The following GPC6 variants were observed in gnomAD, a reference collection of about 807,000 sequenced individuals.
The protein encoded by GPC6 is glypican 6, also known as glypican-6.
In GPC6, 14 loss-of-function variants were observed where a neutral mutation model predicts 55.2. That is an observed-to-expected ratio of 0.25 (90% CI 0.17 to 0.40). The LOEUF is 0.40. Among genes scored for constraint, GPC6 ranks in the 10% least tolerant of loss-of-function variants. GPC6 has a pLI of 1.00. For synonymous variants in GPC6, 278 were observed against 259.6 expected (o/e 1.07, Z -0.68); for missense variants, 641 against 708.5 (o/e 0.90, Z 1.08).
chr13:94,240,388 A>G (rs1891018134), intron 4 of GPC6, among the ~76,000 whole-genome samples: 1 of 152,128 alleles, frequency 6.6e-6, no homozygotes, highest in East Asian at 1.9e-4. Flanking sequence ...TAATCAGATT[A>G]ATATTTTTAC....
chr13:93,440,604 T>G (rs1877752234), intron 1 of GPC6, among the ~76,000 whole-genome samples: 2 of 152,252 alleles, frequency 1.3e-5, no homozygotes, highest in Middle Eastern at 3.4e-3. Context: ...AATAACTAGG[T>G]GGAGATCAGG....
chr13:94,133,763 A>G (rs1204162192), intron 4 of GPC6, among the ~76,000 whole-genome samples: 4 of 152,100 alleles, frequency 2.6e-5, no homozygotes, highest in African/African-American at 9.7e-5. Context: ...TAAAAGAACA[A>G]GAAACATTTC....
intron 3 of GPC6, among the ~76,000 whole-genome samples, chr13:93,878,400 G>A (rs1252983319): frequency 2.0e-5 from 3 of 151,938 alleles, no homozygotes; most frequent in Admixed American, 1.3e-4. Context: ...TCTTTTAGAC[G>A]GAGTCTCGCA....
At chr13:94,358,640 A>T (rs963940737) in intron 6 of GPC6, among the ~76,000 whole-genome samples, 5 of 152,144 alleles carry the variant, frequency 3.3e-5, no homozygotes, top group Non-Finnish European at 7.3e-5. Flanking sequence ...GATACAAGTT[A>T]AGAGTGCGAA....
At chr13:93,269,918 A>C (rs1877459044) in intron 1 of GPC6, among the ~76,000 whole-genome samples, 1 of 149,330 alleles carries the variant, frequency 6.7e-6, no homozygotes, top group African/African-American at 2.5e-5. Context: ...AAAAAAGGAA[A>C]TATGTGTGGT....
chr13:93,845,251 A>G (rs899529648), intron 3 of GPC6, among the ~76,000 whole-genome samples: 171 of 151,858 alleles, frequency 1.1e-3, no homozygotes, highest in African/African-American at 4.1e-3. Flanking sequence ...ATCACTGGCC[A>G]TCAGAGAAAT....
In GPC6 at chr13:94,306,008, C is replaced by T. The variant is rs760976594; in HGVS notation, c.1037C>T (p.Pro346Leu). ...KVFQGCGQPK[P>L]APALRSARSA... ...TTTCAGGGATGTGGTCAGCCCAAAC[C>T]TGCTCCAGCCCTCAGATCTGCCCGC... Residue 346 changes from proline to leucine, a missense_variant, in exon 6 of 9, where the codon CCT becomes CTT. By Grantham distance (98) the Pro-to-Leu change is moderately conservative. Transcript: ENST00000377047. 27 of 1,614,126 alleles carry T rather than the reference C, an allele frequency of 1.7e-5. No individual in the cohort carries two copies. The highest frequency in any genetic ancestry group is 8.5e-7 in the Non-Finnish European group (1 of 1,179,978).
intron 4 of GPC6, among the ~76,000 whole-genome samples, chr13:94,166,610 C>T (rs1888379181): frequency 6.6e-6 from 1 of 152,196 alleles, no homozygotes; most frequent in Non-Finnish European, 1.5e-5. Context: ...CCCCCTCCCC[C>T]TGCACCATAC....
At chr13:93,282,083 G>A (rs752354812) in intron 1 of GPC6, among the ~76,000 whole-genome samples, 3 of 152,080 alleles carry the variant, frequency 2.0e-5, no homozygotes, top group Non-Finnish European at 4.4e-5. Flanking sequence ...CTGCAAAGTT[G>A]TTTTTTGGAT....
intron 3 of GPC6, among the ~76,000 whole-genome samples, chr13:93,967,794 A>G (rs1488001803): frequency 3.3e-5 from 5 of 152,156 alleles, no homozygotes; most frequent in Non-Finnish European, 5.9e-5. Flanking sequence ...AAATTTTCTT[A>G]CTCTCTTTAC....
chr13:93,993,686 A>G (rs2140417657), intron 3 of GPC6, among the ~76,000 whole-genome samples: 1 of 152,282 alleles, frequency 6.6e-6, no homozygotes, highest in African/African-American at 2.4e-5. Context: ...TTCAAATTTC[A>G]TTTGCTTCTA....
At chr13:93,449,925 CT>C (rs36091028) in intron 1 of GPC6, among the ~76,000 whole-genome samples, 8 of 150,002 alleles carry the variant, frequency 5.3e-5, no homozygotes, top group East Asian at 2.0e-4. Context: ...ATGTTCCACT[CT>C]TTTTTTTTTC....
chr13:93,402,955 T>TA (rs927179566), intron 1 of GPC6, among the ~76,000 whole-genome samples: 23 of 152,232 alleles, frequency 1.5e-4, no homozygotes, highest in African/African-American at 5.1e-4. Flanking sequence ...ATAATTTTTT[T>TA]AAAAAAATTA....
At chr13:93,711,211 G>A (rs1204740781) in intron 2 of GPC6, among the ~76,000 whole-genome samples, 1 of 151,784 alleles carries the variant, frequency 6.6e-6, no homozygotes, top group Non-Finnish European at 1.5e-5. Context: ...AAGGTCTTGT[G>A]TAGCTGTTTC....
intron 1 of GPC6, among the ~76,000 whole-genome samples, chr13:93,542,139 G>T (rs1882335876): frequency 6.6e-6 from 1 of 152,128 alleles, no homozygotes; most frequent in Admixed American, 6.6e-5. Context: ...TTTTATTCTA[G>T]GGTTTTTATG....
In GPC6 at chr13:93,895,222, A is replaced by ATGTGTGTGTGTGTGTGTG. The variant is rs369480808; in HGVS notation, c.711+64690_711+64691insGTGTGTGTGTGTGTGTGT. ...TATATATGTGTGTGTGTGTGTATGTATGTGTGTGTGTGTATATATATATAT... is the reference window on the plus strand; with the variant it reads ...TATATATGTGTGTGTGTGTGTATGTATGTGTGTGTGTGTGTGTGTGTGTGTGTGTGTATATATATATAT... On this transcript the variant is annotated intron_variant, in intron 3 of 8. Coordinates refer to ENST00000377047, the MANE Select transcript of GPC6 (RefSeq NM_005708.5). Among the ~76,000 whole-genome samples, 208 of 53,574 alleles carry ATGTGTGTGTGTGTGTGTG rather than the reference A, an allele frequency of 3.9e-3. 12 individuals are homozygous for ATGTGTGTGTGTGTGTGTG. Among genetic ancestry groups the ATGTGTGTGTGTGTGTGTG allele is most frequent in the African/African-American group, 0.015 (189 of 12,688 alleles). The allele number at this position is 53,574 out of a possible 152,430, so 35.1% of individuals were successfully genotyped here. A position where few individuals can be genotyped will look rare whatever the true frequency, so the allele number is the denominator to read the frequency against.
At chr13:93,542,858 T>A (rs1226992631) in intron 1 of GPC6, among the ~76,000 whole-genome samples, 6 of 152,170 alleles carry the variant, frequency 3.9e-5, no homozygotes, top group Non-Finnish European at 2.9e-5. Context: ...TGCTTGTGAT[T>A]TTTGTAGATT....
intron 4 of GPC6, among the ~76,000 whole-genome samples, chr13:94,076,335 G>A (rs569477720): frequency 2.0e-5 from 3 of 151,882 alleles, no homozygotes; most frequent in East Asian, 1.9e-4. Context: ...CTATTGAGAT[G>A]TGGTTGTTCC....
chr13:94,118,489 C>T (rs1593951317), intron 4 of GPC6, among the ~76,000 whole-genome samples: 1 of 152,056 alleles, frequency 6.6e-6, no homozygotes, highest in Admixed American at 6.6e-5. Context: ...CAGAGACGAT[C>T]AGGAGAGTCT....
Sources: gnomAD v4.1 joint callset for allele counts (sites outside exome capture counted in the v4.1 genomes callset) on GRCh38, gnomAD v4.1.1 for gene constraint, MANE v1.5 for transcripts, NCBI Gene and HGNC (gene_info 2026-07-23, HGNC 2026-07-21) for gene names.